Variants in MOSPD2 observed in about 807,000 individuals in gnomAD.
MOSPD2 encodes motile sperm domain containing 2.
MOSPD2 carries 5 observed loss-of-function variants against 41.7 expected under a neutral mutation model. The observed-to-expected ratio is 0.12, with a 90% confidence interval of 0.06 to 0.25. MOSPD2 has a LOEUF of 0.25. MOSPD2 is among the 10% of genes least tolerant of loss of function. The pLI is 1.00. For synonymous variants in MOSPD2, 115 were observed against 126.9 expected (o/e 0.91, Z 0.63); for missense variants, 282 against 375.2 (o/e 0.75, Z 2.05).
At position 14,911,971 on chromosome X, in the gene MOSPD2, TTA is replaced by T. The variant is rs1455777730; in HGVS notation, c.880-276_880-275del. Among the ~76,000 whole-genome samples, 5 of 112,604 alleles carry T rather than the reference TTA, an allele frequency of 4.4e-5. No homozygotes were observed. In the East Asian group the frequency reaches 1.4e-3, roughly 31 times the overall value. ...AGTAATTGTTTTATCTAAAATTTTT[TTA>T]TTTGTCTAAAAGTAATTAATTTAAA... On this transcript the variant is annotated intron_variant, in intron 9 of 14. Transcript: ENST00000380492.
intron 2 of MOSPD2, among the ~76,000 whole-genome samples, chrX:14,887,708 T>G (rs2092544357): frequency 8.9e-6 from 1 of 111,764 alleles, no homozygotes; most frequent in Non-Finnish European, 1.9e-5. Context: ...TTAAAAAATT[T>G]TATTTTTTTA....
At chrX:14,913,641 T>C (rs992824023) in intron 10 of MOSPD2, among the ~76,000 whole-genome samples, 1 of 112,258 alleles carries the variant, frequency 8.9e-6, no homozygotes, top group African/African-American at 3.2e-5. Flanking sequence ...TAAAAACATG[T>C]GTTAGTTAGA....
At chrX:14,880,880 A>C (rs1013039968) in intron 2 of MOSPD2, among the ~76,000 whole-genome samples, 5 of 111,952 alleles carry the variant, frequency 4.5e-5, no homozygotes, top group Non-Finnish European at 9.4e-5. Context: ...GTATTCTTGA[A>C]TTGGCCTATA....
At position 14,922,081 on chromosome X, in the gene MOSPD2, A is replaced by T. The variant is rs2092610724; in HGVS notation, c.*2272A>T. 9.0e-6 allele frequency: 1 copy of T among 111,210 alleles called. No individual in the cohort carries two copies. The highest frequency in any genetic ancestry group is 3.7e-4 in the South Asian group (1 of 2,672). 9.2% of individuals were successfully genotyped at this position (111,210 alleles called of 1,213,427 possible). ...CATACTACCATAACTGTTTTTATAT[A>T]TTGCCACTAATTTTGACTGGATTTA... On this transcript the variant is annotated 3_prime_UTR_variant, in exon 15 of 15. Transcript: ENST00000380492.
intron 2 of MOSPD2, among the ~76,000 whole-genome samples, chrX:14,884,293 T>G (rs775862778): frequency 9.0e-6 from 1 of 111,561 alleles, no homozygotes; most frequent in South Asian, 3.7e-4. Context: ...ATAAAAAATC[T>G]AACTGTGGAT....
Position 14,921,118 on chromosome X carries a change from G to A in MOSPD2, c.*1309G>A. On this transcript the variant is annotated 3_prime_UTR_variant, in exon 15 of 15. Coordinates refer to ENST00000380492, the MANE Select transcript of MOSPD2 (RefSeq NM_152581.4). Reference sequence around the variant, plus strand: ...ATTAATATGACCAGTTTGGGTCTATGTTGGTTCACATGTACATCTACTTTA... The same window carrying A: ...ATTAATATGACCAGTTTGGGTCTATATTGGTTCACATGTACATCTACTTTA... 1.2e-6 allele frequency: 1 copy of A among 841,759 alleles called. No individual in the cohort carries two copies. The highest frequency in any genetic ancestry group is 1.4e-6 in the Non-Finnish European group (1 of 695,407). The allele number at this position is 841,759 out of a possible 1,213,427, so 69.4% of individuals were successfully genotyped here. A position where few individuals can be genotyped will look rare whatever the true frequency, so the allele number is the denominator to read the frequency against.
chrX:14,891,813 T>C (rs1049073625), intron 2 of MOSPD2, among the ~76,000 whole-genome samples: 72 of 110,944 alleles, frequency 6.5e-4, no homozygotes, highest in African/African-American at 2.2e-3. Context: ...GTGATCCGCC[T>C]GCCTCAGCCT....
chrX:14,894,372 C>T (rs189249266), intron 3 of MOSPD2, among the ~76,000 whole-genome samples: 1 of 98,243 alleles, frequency 1.0e-5, no homozygotes, highest in Admixed American at 1.2e-4. Flanking sequence ...GGCTGGAGTG[C>T]ATGGCGTGAT....
At chrX:14,888,382 A>G (rs1438317360) in intron 2 of MOSPD2, among the ~76,000 whole-genome samples, 2 of 110,564 alleles carry the variant, frequency 1.8e-5, no homozygotes, top group Non-Finnish European at 3.8e-5. Flanking sequence ...TTATGGGGGC[A>G]GGTCTTTCCT....
rs1156466439 is a variant in MOSPD2, at chrX:14,921,256, A to G, written c.*1447A>G. 5 of 925,786 alleles carry G rather than the reference A, an allele frequency of 5.4e-6. No homozygotes were observed. The African/African-American group carries it at 1.0e-4, about 19-fold the overall frequency. 76.3% of individuals were successfully genotyped at this position (925,786 alleles called of 1,213,427 possible). On this transcript the variant is annotated 3_prime_UTR_variant, in exon 15 of 15. Transcript: ENST00000380492. The stretch of plus-strand genomic sequence containing the variant: ...GTGTTGTTGGTTTTCATCTTCAAGA[A>G]GTTGATTCCAAAACTGAGTTATGAA...
At chrX:14,891,417 T>C (rs900409198) in intron 2 of MOSPD2, among the ~76,000 whole-genome samples, 9 of 111,295 alleles carry the variant, frequency 8.1e-5, no homozygotes, top group Admixed American at 7.6e-4. Context: ...CAAGAAATTA[T>C]TGAAAATGTG....
chrX:14,890,050 A>G (rs2092550797), intron 2 of MOSPD2, among the ~76,000 whole-genome samples: 1 of 108,173 alleles, frequency 9.2e-6, no homozygotes, highest in African/African-American at 3.3e-5. Flanking sequence ...TATTTTCATA[A>G]TAATGCTAAG....
At chrX:14,891,463 TG>T (rs1302109479) in intron 2 of MOSPD2, among the ~76,000 whole-genome samples, 1 of 111,528 alleles carries the variant, frequency 9.0e-6, no homozygotes, top group Non-Finnish European at 1.9e-5. Context: ...TACCGTAATA[TG>T]GCATACATGA....
intron 2 of MOSPD2, among the ~76,000 whole-genome samples, chrX:14,888,670 C>T (rs2092547500): frequency 9.0e-6 from 1 of 110,721 alleles, no homozygotes; most frequent in South Asian, 3.7e-4. Flanking sequence ...TTAGTTCTGT[C>T]CCTCTATAGA....
chrX:14,900,698 T>C, intron 6 of MOSPD2, 63 bp downstream of exon 6: 3 of 559,203 alleles, frequency 5.4e-6, no homozygotes, highest in Non-Finnish European at 8.3e-6. Flanking sequence ...TGTCTGAGAA[T>C]TGTGGAGCCT....
In MOSPD2 at chrX:14,921,569, G is replaced by A; in HGVS notation, c.*1760G>A. 2.7e-6 allele frequency: 1 copy of A among 368,130 alleles called. No homozygotes were observed. Among genetic ancestry groups the A allele is most frequent in the Non-Finnish European group, 4.2e-6 (1 of 239,740 alleles). 30.3% of individuals were successfully genotyped at this position (368,130 alleles called of 1,213,427 possible). A position where few individuals can be genotyped will look rare whatever the true frequency, so the allele number is the denominator to read the frequency against. On this transcript the variant is annotated 3_prime_UTR_variant, in exon 15 of 15. Transcript: ENST00000380492. ...AATGAAGAAATAATTAGCCAAGATT[G>A]AAAATGTATTGTCCTAACGGTGTCC...
intron 2 of MOSPD2, among the ~76,000 whole-genome samples, chrX:14,875,995 A>C: frequency 8.9e-6 from 1 of 112,062 alleles, no homozygotes; most frequent in East Asian, 2.8e-4. Context: ...TGCCCAGCAC[A>C]GTTCTCAATA....
chrX:14,877,784 G>C (rs1214325824), intron 2 of MOSPD2, among the ~76,000 whole-genome samples: 3 of 104,709 alleles, frequency 2.9e-5, no homozygotes, highest in African/African-American at 1.0e-4. Context: ...CCATCCTGGC[G>C]AACACGGTGA....
At chrX:14,896,175 G>C (rs1023022584) in intron 4 of MOSPD2, among the ~76,000 whole-genome samples, 1 of 110,110 alleles carries the variant, frequency 9.1e-6, no homozygotes, top group Admixed American at 9.7e-5. Flanking sequence ...GAGCATCTTG[G>C]CAGCTTTAGC....
Sources: gnomAD v4.1 joint callset for allele counts (sites outside exome capture counted in the v4.1 genomes callset) on GRCh38, gnomAD v4.1.1 for gene constraint, MANE v1.5 for transcripts, NCBI Gene and HGNC (gene_info 2026-07-23, HGNC 2026-07-21) for gene names.